Variants in UNC93A observed in about 807,000 individuals in gnomAD.
The protein encoded by UNC93A is N-acetylglucosamine transporter UNC93A.
A neutral mutation model predicts 47.5 loss-of-function variants in UNC93A; 43 were observed. The ratio of observed to expected loss-of-function variants is 0.91; its 90% CI spans 0.71 to 1.17. The LOEUF is 1.17. UNC93A is among the 50% of genes most tolerant of loss of function. The pLI, the probability that UNC93A is intolerant of heterozygous loss-of-function variation, is 0.00. For missense variants in UNC93A, 605 were observed against 577.6 expected (o/e 1.05, Z -0.49); for synonymous variants, 280 against 258.0 (o/e 1.09, Z -0.82).
chr6:167,295,052 C>G (rs1279273300), intron 2 of UNC93A, among the ~76,000 whole-genome samples: 1 of 152,116 alleles, frequency 6.6e-6, no homozygotes, highest in African/African-American at 2.4e-5. Flanking sequence ...CTCGTGGGCA[C>G]CTAGGCAGAT....
chr6:167,276,059 C>CTTTTTTTTTTTTTT lies in UNC93A; in HGVS notation c.-52+4605_-52+4606insTTTTTTTTTTTTTT, dbSNP rs112367150. Among the ~76,000 whole-genome samples, 4 of 132,344 alleles carry CTTTTTTTTTTTTTT rather than the reference C, an allele frequency of 3.0e-5. 1 individual carries two copies. Among genetic ancestry groups the CTTTTTTTTTTTTTT allele is most frequent in the Non-Finnish European group, 4.7e-5 (3 of 63,730 alleles). 86.8% of individuals were successfully genotyped at this position (132,344 alleles called of 152,430 possible). A position where few individuals can be genotyped will look rare whatever the true frequency, so the allele number is the denominator to read the frequency against. ...CTCTATGAGATCATTTTTTTCTTTT[C>CTTTTTTTTTTTTTT]TTTTCTTTTTTTTTTTTTAGCTCAC... is the stretch of plus-strand genomic sequence containing the variant. On this transcript the variant is annotated intron_variant, in intron 1 of 3. Coordinates refer to the UNC93A transcript ENST00000503433.
Position 167,315,932 on chromosome 6 carries a change from G to T in UNC93A, c.*480G>T, listed in dbSNP as rs1178360742. On this transcript the variant is annotated 3_prime_UTR_variant, in exon 8 of 8. Coordinates refer to ENST00000230256, the MANE Select transcript of UNC93A (RefSeq NM_018974.4). ...AGCTGACTCAACCTCACAGAGTCAG[G>T]GGGTGACAAAGCCAGACTGGGGCTC... is the stretch of plus-strand genomic sequence containing the variant. The T allele has an allele frequency of 6.3e-6, 1 of 157,772 alleles. No individual in the cohort carries two copies. The highest frequency in any genetic ancestry group is 2.7e-5 in the African/African-American group (1 of 37,010). 9.8% of individuals were successfully genotyped at this position (157,772 alleles called of 1,614,324 possible). A position where few individuals can be genotyped will look rare whatever the true frequency, so the allele number is the denominator to read the frequency against.
At chr6:167,269,655 A>G (rs1783420287), upstream of UNC93A, among the ~76,000 whole-genome samples, 3 of 152,228 alleles carry the variant, frequency 2.0e-5, no homozygotes, top group South Asian at 6.2e-4. Flanking sequence ...CGCCCAGGCT[A>G]GAGTGCAGTG....
chr6:167,277,511 G>T (rs1370473405), intron 1 of UNC93A, among the ~76,000 whole-genome samples: 3 of 152,182 alleles, frequency 2.0e-5, no homozygotes, highest in Non-Finnish European at 4.4e-5. Context: ...CAAAAGCTCT[G>T]GTCAGGGCAA....
At chr6:167,286,497 A>T (rs1258636106), upstream of UNC93A, among the ~76,000 whole-genome samples, 1 of 152,206 alleles carries the variant, frequency 6.6e-6, no homozygotes, top group East Asian at 1.9e-4. Context: ...GAGCGAAGGG[A>T]CTGCAAATAG....
At chr6:167,277,939 G>A (rs1487575477) in intron 1 of UNC93A, among the ~76,000 whole-genome samples, 3 of 152,086 alleles carry the variant, frequency 2.0e-5, no homozygotes, top group Admixed American at 6.5e-5. Flanking sequence ...GCCACCAGGC[G>A]GGCTCCTGTC....
At chr6:167,284,649 G>T (rs1364736954) in intron 1 of UNC93A, among the ~76,000 whole-genome samples, 3 of 152,288 alleles carry the variant, frequency 2.0e-5, no homozygotes. Flanking sequence ...TTCATTAACT[G>T]AACACACTGG....
intron 7 of UNC93A, among the ~76,000 whole-genome samples, chr6:167,310,655 C>T (rs1469546582): frequency 6.6e-6 from 1 of 152,142 alleles, no homozygotes; most frequent in Non-Finnish European, 1.5e-5. Context: ...ATGAACCAGA[C>T]AGATCACTTA....
chr6:167,315,598 T>A lies in UNC93A; in HGVS notation c.*146T>A, dbSNP rs1316383932. 6.7e-6 allele frequency: 7 copies of A among 1,050,068 alleles called. No homozygotes were observed. In the Admixed American group the frequency reaches 1.4e-4, roughly 21 times the overall value. 65.0% of individuals were successfully genotyped at this position (1,050,068 alleles called of 1,614,324 possible). A position where few individuals can be genotyped will look rare whatever the true frequency, so the allele number is the denominator to read the frequency against. ...AGAGATCATGTTATTTCACTCTTCA[T>A]GTATTTTTTTTCTATTCTAACAAAT... On this transcript the variant is annotated 3_prime_UTR_variant, in exon 8 of 8. Coordinates refer to ENST00000230256, the MANE Select transcript of UNC93A (RefSeq NM_018974.4).
chr6:167,284,298 T>C (rs1210794522), intron 1 of UNC93A, among the ~76,000 whole-genome samples: 1 of 151,826 alleles, frequency 6.6e-6, no homozygotes, highest in Non-Finnish European at 1.5e-5. Flanking sequence ...ACCACAATGA[T>C]AACAGTTGCG....
At chr6:167,314,468 G>T (rs1479716724) in intron 7 of UNC93A, among the ~76,000 whole-genome samples, 1 of 152,138 alleles carries the variant, frequency 6.6e-6, no homozygotes, top group African/African-American at 2.4e-5. Context: ...TTCGCCTCAG[G>T]CTGTGGAGGG....
At chr6:167,274,681 T>G (rs1334904681) in intron 1 of UNC93A, among the ~76,000 whole-genome samples, 1 of 152,186 alleles carries the variant, frequency 6.6e-6, no homozygotes, top group African/African-American at 2.4e-5. Flanking sequence ...CTACGTGACA[T>G]GGGCACCTTC....
At position 167,298,010 on chromosome 6, in the gene UNC93A, AC is replaced by A; in HGVS notation, c.567del (p.Asn190ThrfsTer27). ...ASDCLMATTT[T>X]NSTQRPSQQL... Reference sequence around the variant, plus strand: ...TGACTGCCTGATGGCCACCACAACCACCAACAGCACCCAGAGGCCCTCCCAG... The same window carrying A: ...TGACTGCCTGATGGCCACCACAACCACAACAGCACCCAGAGGCCCTCCCAG... On this transcript the variant is annotated frameshift_variant, in exon 4 of 8. Coordinates refer to ENST00000230256, the MANE Select transcript of UNC93A (RefSeq NM_018974.4). LOFTEE classifies it high-confidence loss of function. 6.2e-7 allele frequency: 1 copy of A among 1,613,798 alleles called. No homozygotes were observed. Among genetic ancestry groups the A allele is most frequent in the Non-Finnish European group, 8.5e-7 (1 of 1,179,938 alleles).
exon 1 of UNC93A, chr6:167,271,205 C>T (rs1297014242): frequency 6.9e-6 from 1 of 144,752 alleles, no homozygotes; most frequent in Non-Finnish European, 1.5e-5. Flanking sequence ...AGACAGAGAA[C>T]CTCAACAGGA....
intron 4 of UNC93A, among the ~76,000 whole-genome samples, chr6:167,300,981 AT>A (rs1428704912): frequency 2.0e-5 from 3 of 152,246 alleles, no homozygotes; most frequent in Non-Finnish European, 4.4e-5. Context: ...CCTTGTTGCA[AT>A]TGTTCAACAT....
At chr6:167,299,543 A>C (rs942522052) in intron 4 of UNC93A, among the ~76,000 whole-genome samples, 3 of 152,214 alleles carry the variant, frequency 2.0e-5, no homozygotes, top group African/African-American at 7.2e-5. Flanking sequence ...TCAGATGACT[A>C]GAAGCTCGCC....
In UNC93A at chr6:167,294,695, G is replaced by A. The variant is rs942665263; in HGVS notation, c.266G>A (p.Ser89Asn). The A allele has an allele frequency of 2.5e-6, 4 of 1,590,118 alleles. No individual in the cohort carries two copies. Among genetic ancestry groups the A allele is most frequent in the Non-Finnish European group, 3.4e-6 (4 of 1,164,472 alleles). ...TTCTCCGTGGGCAACTTCTTCGCCA[G>A]CTGGTACGCAGCCACCACCCCCTGC... ...VAFSVGNFFA[S>N]WYTLIPTSIL... The change falls in exon 2 of 8, where the codon AGC (serine) becomes AAC (asparagine). Residue 89 changes from serine (S) to asparagine (N), a missense_variant. Ser to Asn is a conservative substitution (Grantham distance 46). Transcript: ENST00000230256.
At chr6:167,303,418 T>A (rs1484531373) in intron 4 of UNC93A, among the ~76,000 whole-genome samples, 1 of 152,156 alleles carries the variant, frequency 6.6e-6, no homozygotes, top group Non-Finnish European at 1.5e-5. Context: ...TCTGTTGTAG[T>A]TCAGATACCC....
intron 1 of UNC93A, chr6:167,271,495 T>C (rs1308959097): frequency 6.6e-6 from 1 of 152,214 alleles, no homozygotes; most frequent in Non-Finnish European, 1.5e-5. Flanking sequence ...TGCCTCTGTT[T>C]CCTGCCTTCT....
Sources: gnomAD v4.1 joint callset for allele counts (sites outside exome capture counted in the v4.1 genomes callset) on GRCh38, gnomAD v4.1.1 for gene constraint, MANE v1.5 for transcripts, NCBI Gene and HGNC (gene_info 2026-07-23, HGNC 2026-07-21) for gene names.